The following SMTNL2 variants were observed in gnomAD, a reference collection of about 807,000 sequenced individuals.
SMTNL2 encodes the protein smoothelin-like protein 2.
In SMTNL2, 43 loss-of-function variants were observed where a neutral mutation model predicts 44.1. The observed-to-expected ratio is 0.98, with a 90% CI of 0.76 to 1.26. The LOEUF is 1.26. Among genes scored for constraint, SMTNL2 ranks in the 50% most tolerant of loss-of-function variants. The pLI, the probability that SMTNL2 is intolerant of heterozygous loss-of-function variation, is 0.00. For synonymous variants in SMTNL2, 317 were observed against 287.6 expected, an observed-to-expected ratio of 1.10 and a Z score of -1.03; for missense variants, 646 against 670.2, an observed-to-expected ratio of 0.96 and a Z score of 0.40.
intron 7 of SMTNL2, among the ~76,000 whole-genome samples, chr17:4,601,850 T>TG (rs946813996): frequency 3.6e-4 from 55 of 152,254 alleles, no homozygotes; most frequent in African/African-American, 1.2e-3. Context: ...ACCTGTATCA[T>TG]TTTTACAAAA....
chr17:4,597,018 TAA>T (rs1567635818), intron 6 of SMTNL2, 41 bp downstream of exon 6: 5 of 1,479,710 alleles, frequency 3.4e-6, no homozygotes. Flanking sequence ...ACGCCCCAGC[TAA>T]AAGCTTGACC....
At chr17:4,591,752 T>C (rs962119896) in intron 1 of SMTNL2, among the ~76,000 whole-genome samples, 1 of 152,214 alleles carries the variant, frequency 6.6e-6, no homozygotes, top group African/African-American at 2.4e-5. Context: ...CCACTGGCTC[T>C]TGGCCTTGGC....
chr17:4,595,084 G>A lies in SMTNL2; in HGVS notation c.807-61G>A, dbSNP rs1909748545. 1.5e-5 allele frequency: 24 copies of A among 1,609,684 alleles called. No homozygotes were observed. The highest frequency in any genetic ancestry group is 2.0e-5 in the Non-Finnish European group (23 of 1,177,940). ...ACACTCAGTGCAATGGAGACCTTGG[G>A]GCCTGGTGAGCTAGTGATGGCTGCT... is the stretch of plus-strand genomic sequence containing the variant. On this transcript the variant is annotated intron_variant, in intron 4 of 7. Coordinates refer to ENST00000389313, the MANE Select transcript of SMTNL2 (RefSeq NM_001114974.2). The surrounding 1 kb of genome is among the most constrained non-coding windows in gnomAD (Gnocchi z 5.1).
intron 1 of SMTNL2, among the ~76,000 whole-genome samples, chr17:4,588,344 G>A (rs1414614278): frequency 6.6e-6 from 1 of 152,146 alleles, no homozygotes; most frequent in Non-Finnish European, 1.5e-5. Flanking sequence ...TCACCCTTCC[G>A]CCTTTCCCGT....
In SMTNL2 at chr17:4,592,274, C is replaced by T. The variant is rs1366971573; in HGVS notation, c.400-87C>T. ...CAACATGATTGGTGTTTTGCCAGAA[C>T]GGGAGGGGATTTGGGGGTGGGCAGC... On this transcript the variant is annotated intron_variant, in intron 1 of 7. Coordinates refer to ENST00000389313, the MANE Select transcript of SMTNL2 (RefSeq NM_001114974.2). The surrounding 1 kb of genome is among the most constrained non-coding windows in gnomAD (Gnocchi z 4.5). 26 of 950,660 alleles carry T rather than the reference C, an allele frequency of 2.7e-5. No individual in the cohort carries two copies. Among genetic ancestry groups the T allele is most frequent in the East Asian group, 1.1e-4 (3 of 28,090 alleles). The allele number at this position is 950,660 out of a possible 1,614,324, so 58.9% of individuals were successfully genotyped here. A position where few individuals can be genotyped will look rare whatever the true frequency, so the allele number is the denominator to read the frequency against.
Position 4,597,154 on chromosome 17 carries a change from C to T in SMTNL2, c.1108-18C>T. 6 of 1,610,748 alleles carry T rather than the reference C, an allele frequency of 3.7e-6. No individual in the cohort carries two copies. Among genetic ancestry groups the T allele is most frequent in the Non-Finnish European group, 4.2e-6 (5 of 1,178,556 alleles). ...GCCCAGCTGCCCTCCCGCACTGACCCCACTCACCCTGTTGCAGCACGTGGA... is the reference window on the plus strand; with the variant it reads ...GCCCAGCTGCCCTCCCGCACTGACCTCACTCACCCTGTTGCAGCACGTGGA... On this transcript the variant is annotated intron_variant, in intron 6 of 7. Coordinates refer to ENST00000389313, the MANE Select transcript of SMTNL2 (RefSeq NM_001114974.2).
At chr17:4,604,094 C>T (rs1910162772) in intron 7 of SMTNL2, among the ~76,000 whole-genome samples, 1 of 152,168 alleles carries the variant, frequency 6.6e-6, no homozygotes, top group Non-Finnish European at 1.5e-5. Flanking sequence ...ATCTGCCCAC[C>T]TCAGCCTCTT....
At chr17:4,594,797 G>A (rs940016766) in intron 4 of SMTNL2, among the ~76,000 whole-genome samples, 2 of 152,224 alleles carry the variant, frequency 1.3e-5, no homozygotes, top group South Asian at 4.1e-4. Flanking sequence ...TTATCGCATG[G>A]TGGTGGAGGC....
chr17:4,595,457 T>A lies in SMTNL2; in HGVS notation c.989+130T>A, dbSNP rs1253609684. ...CAGGGCGCTGTTGCCCAGGACAAGA[T>A]CTCTTGGGCAAGGCACAAAGTTAGG... On this transcript the variant is annotated intron_variant, in intron 5 of 7. Coordinates refer to ENST00000389313, the MANE Select transcript of SMTNL2 (RefSeq NM_001114974.2). The surrounding 1 kb of genome is among the most constrained non-coding windows in gnomAD (Gnocchi z 5.1). 1 of 1,330,470 alleles carries A rather than the reference T, an allele frequency of 7.5e-7. No homozygotes were observed. Among genetic ancestry groups the A allele is most frequent in the Non-Finnish European group, 1.0e-6 (1 of 985,548 alleles). 82.4% of individuals were successfully genotyped at this position (1,330,470 alleles called of 1,614,324 possible). A position where few individuals can be genotyped will look rare whatever the true frequency, so the allele number is the denominator to read the frequency against.
Position 4,584,712 on chromosome 17 carries a change from G to T in SMTNL2, c.107G>T (p.Arg36Leu). The T allele has an allele frequency of 7.7e-7, 1 of 1,300,138 alleles. No individual in the cohort carries two copies. The highest frequency in any genetic ancestry group is 9.7e-7 in the Non-Finnish European group (1 of 1,028,342). 80.5% of individuals were successfully genotyped at this position (1,300,138 alleles called of 1,614,324 possible). A position where few individuals can be genotyped will look rare whatever the true frequency, so the allele number is the denominator to read the frequency against. The stretch of plus-strand genomic sequence containing the variant: ...GTGCGCGCGCTGCACGAGGACATGC[G>T]GGGGCTGCAGCGCGGCGTGGAGCGG... Reference protein sequence around the residue: ...GAVRALHEDMRGLQRGVERRV... With the variant: ...GAVRALHEDMLGLQRGVERRV... The change falls in exon 1 of 8, where the codon CGG becomes CTG. Residue 36 changes from arginine to leucine, a missense_variant. Coordinates refer to ENST00000389313, the MANE Select transcript of SMTNL2 (RefSeq NM_001114974.2).
rs1433488290 is a variant in SMTNL2, at chr17:4,592,708, T to G, written c.488-221T>G. Among the ~76,000 whole-genome samples, 1 of 152,112 alleles carries G rather than the reference T, an allele frequency of 6.6e-6. No individual in the cohort carries two copies. The highest frequency in any genetic ancestry group is 1.5e-5 in the Non-Finnish European group (1 of 68,000). ...AAATAGAGGCTGAGGAGCCGACTAG[T>G]ATTTATTAAGCTGGCCATGAGGGGA... On this transcript the variant is annotated intron_variant, in intron 2 of 7. Transcript: ENST00000389313. This position sits in a 1 kb window ranked among gnomAD's most constrained non-coding sequence, Gnocchi z 4.5.
intron 1 of SMTNL2, among the ~76,000 whole-genome samples, chr17:4,586,162 A>T (rs1909339537): frequency 6.6e-6 from 1 of 152,184 alleles, no homozygotes; most frequent in South Asian, 2.1e-4. Flanking sequence ...TGGAGTGGGC[A>T]GTGGCGAATG....
chr17:4,600,474 T>G lies in SMTNL2; in HGVS notation c.1259+3151T>G, dbSNP rs1909984908. 6.6e-6 allele frequency among the ~76,000 whole-genome samples: 1 copy of G among 152,150 alleles called. No homozygotes were observed. The highest frequency in any genetic ancestry group is 2.4e-5 in the African/African-American group (1 of 41,408). On this transcript the variant is annotated intron_variant, in intron 7 of 7. Transcript: ENST00000389313. This position sits in a 1 kb window ranked among gnomAD's most constrained non-coding sequence, Gnocchi z 4.7. Reference sequence around the variant, plus strand: ...CCACGGGTTCACCTTGCGTGAGGAATGAAGCATTTCCCCGAGCAAGTGCCT... The same window carrying G: ...CCACGGGTTCACCTTGCGTGAGGAAGGAAGCATTTCCCCGAGCAAGTGCCT...
chr17:4,597,306 G>A lies in SMTNL2; in HGVS notation c.1242G>A (p.Leu414=). 1 of 1,614,056 alleles carries A rather than the reference G, an allele frequency of 6.2e-7. No homozygotes were observed. Among genetic ancestry groups the A allele is most frequent in the Non-Finnish European group, 8.5e-7 (1 of 1,179,948 alleles). Residue 414 remains leucine, a synonymous_variant, in exon 7 of 8, where the codon CTG becomes CTA. Coordinates refer to ENST00000389313, the MANE Select transcript of SMTNL2 (RefSeq NM_001114974.2). ...SPTQRQKNFE[L]AFTMAENLAN... The stretch of plus-strand genomic sequence containing the variant: ...CGCAGAGGCAGAAGAACTTCGAGCT[G>A]GCTTTCACCATGGCCGAGTGAGTAT...
intron 4 of SMTNL2, among the ~76,000 whole-genome samples, chr17:4,594,670 G>A (rs1016481669): frequency 1.3e-5 from 2 of 151,682 alleles, no homozygotes; most frequent in Non-Finnish European, 1.5e-5. Flanking sequence ...GCCAGCCAGC[G>A]GGACTGTGAT....
Position 4,584,764 on chromosome 17 carries a change from C to T in SMTNL2, c.159C>T (p.Ala53=). 1 of 1,308,140 alleles carries T rather than the reference C, an allele frequency of 7.6e-7. No individual in the cohort carries two copies. Among genetic ancestry groups the T allele is most frequent in the Non-Finnish European group, 9.7e-7 (1 of 1,031,940 alleles). 81.0% of individuals were successfully genotyped at this position (1,308,140 alleles called of 1,614,324 possible). The change falls in exon 1 of 8, where the codon GCC becomes GCT. Residue 53 remains alanine (A), a synonymous_variant. Coordinates refer to ENST00000389313, the MANE Select transcript of SMTNL2 (RefSeq NM_001114974.2). ...ERRVAEAMRL[A]GPLARTVADL... Reference sequence around the variant, plus strand: ...GAGTGGCAGAGGCGATGCGCCTGGCCGGCCCCCTGGCGCGCACGGTGGCCG... The same window carrying T: ...GAGTGGCAGAGGCGATGCGCCTGGCTGGCCCCCTGGCGCGCACGGTGGCCG...
In SMTNL2 at chr17:4,592,557, T is replaced by A; in HGVS notation, c.487+109T>A. The A allele has an allele frequency of 1.0e-6, 1 of 998,146 alleles. No individual in the cohort carries two copies. Among genetic ancestry groups the A allele is most frequent in the Non-Finnish European group, 1.5e-6 (1 of 683,010 alleles). 61.8% of individuals were successfully genotyped at this position (998,146 alleles called of 1,614,324 possible). ...CCTTGGCCTGGCATCGGGGGGACTC[T>A]ATCCTGAACCCCAGCAGGGAGAGAG... On this transcript the variant is annotated intron_variant, in intron 2 of 7. Transcript: ENST00000389313. This position sits in a 1 kb window ranked among gnomAD's most constrained non-coding sequence, Gnocchi z 4.5.
At chr17:4,594,038 A>C in intron 4 of SMTNL2, 141 bp downstream of exon 4, 1 of 781,238 alleles carries the variant, frequency 1.3e-6, no homozygotes, top group African/African-American at 1.7e-5. Flanking sequence ...ACTGGGCGGC[A>C]GGATGGGGGG....
intron 5 of SMTNL2, 31 bp from the exon 6 acceptor site, chr17:4,596,829 C>T (rs1348006595): frequency 2.1e-6 from 3 of 1,417,694 alleles, no homozygotes; most frequent in Non-Finnish European, 2.8e-6. Flanking sequence ...GCTGGAGGGG[C>T]CCCCGCAGCA....
Sources: allele counts gnomAD v4.1 joint callset (sites outside exome capture counted in the v4.1 genomes callset), GRCh38; gene constraint gnomAD v4.1.1; non-coding constraint Gnocchi (gnomAD v3.1); transcripts MANE v1.5; gene names NCBI Gene and HGNC (gene_info 2026-07-23, HGNC 2026-07-21).